The following TRPM3 variants were observed in gnomAD, a reference collection of about 807,000 sequenced individuals.
TRPM3 encodes transient receptor potential cation channel subfamily M member 3.
In TRPM3, 77 loss-of-function variants were observed where a neutral mutation model predicts 181.2. The ratio of observed to expected loss-of-function variants is 0.42; its 90% CI spans 0.35 to 0.51. The LOEUF (loss-of-function observed/expected upper bound fraction) is 0.51. Among genes scored for constraint, TRPM3 ranks in the 20% least tolerant of loss-of-function variants. TRPM3 has a pLI of 0.01. For synonymous variants in TRPM3, 745 were observed against 796.4 expected, an observed-to-expected ratio of 0.94 and a Z score of 1.09; for missense variants, 1,759 against 2,196.7, an observed-to-expected ratio of 0.80 and a Z score of 3.98.
At chr9:70,836,207 C>T (rs2094309184) in intron 5 of TRPM3, among the ~76,000 whole-genome samples, 1 of 152,106 alleles carries the variant, frequency 6.6e-6, no homozygotes, top group African/African-American at 2.4e-5. Flanking sequence ...TCCTCCTTAG[C>T]TCTGGGCCCC....
chr9:70,863,234 A>G, intron 2 of TRPM3, 122 bp from the exon 3 acceptor site: 2 of 766,806 alleles, frequency 2.6e-6, no homozygotes, highest in South Asian at 3.9e-5. Flanking sequence ...TCTCAGGAAG[A>G]ATTCCACCAT....
intron 1 of TRPM3, among the ~76,000 whole-genome samples, chr9:71,243,067 A>T (rs2081811710): frequency 6.6e-6 from 1 of 152,106 alleles, no homozygotes; most frequent in Non-Finnish European, 1.5e-5. Flanking sequence ...TGTTTCAGAG[A>T]GTCTTGCTCT....
intron 1 of TRPM3, among the ~76,000 whole-genome samples, chr9:71,287,713 A>G (rs1438443180): frequency 1.3e-5 from 2 of 152,126 alleles, no homozygotes; most frequent in African/African-American, 4.8e-5. Flanking sequence ...TATCAATTGA[A>G]TAAGATATTT....
At chr9:70,767,751 A>T (rs903527102) in intron 7 of TRPM3, among the ~76,000 whole-genome samples, 1 of 152,058 alleles carries the variant, frequency 6.6e-6, no homozygotes, top group South Asian at 2.1e-4. Flanking sequence ...TGGCTAAAAG[A>T]GCTGAGGGTT....
intron 1 of TRPM3, among the ~76,000 whole-genome samples, chr9:71,116,039 A>T (rs1180483695): frequency 3.3e-5 from 5 of 152,184 alleles, no homozygotes; most frequent in African/African-American, 1.2e-4. Flanking sequence ...AGATGGAAAG[A>T]TGGAAGTTTC....
intron 1 of TRPM3, among the ~76,000 whole-genome samples, chr9:71,198,537 T>C (rs1227037472): frequency 6.6e-6 from 1 of 152,160 alleles, no homozygotes; most frequent in African/African-American, 2.4e-5. Context: ...TTGTATCCTC[T>C]TTTATTTCAT....
intron 1 of TRPM3, among the ~76,000 whole-genome samples, chr9:71,390,652 T>G (rs575075338): frequency 2.6e-4 from 39 of 152,122 alleles, no homozygotes; most frequent in African/African-American, 8.4e-4. Context: ...TATAAATGTA[T>G]GAATTAAAAC....
intron 1 of TRPM3, among the ~76,000 whole-genome samples, chr9:71,271,996 A>C (rs921994546): frequency 3.9e-5 from 6 of 152,236 alleles, no homozygotes; most frequent in Admixed American, 6.5e-5. Flanking sequence ...TTGTTGTGCC[A>C]GCTGGATAGT....
chr9:70,622,980 A>C (rs749831015), intron 14 of TRPM3, among the ~76,000 whole-genome samples: 1 of 152,116 alleles, frequency 6.6e-6, no homozygotes, highest in Non-Finnish European at 1.5e-5. Flanking sequence ...ATTTTCAAAC[A>C]AATCCCTGTT....
At chr9:71,087,656 G>A (rs141622412) in intron 1 of TRPM3, among the ~76,000 whole-genome samples, 20 of 151,932 alleles carry the variant, frequency 1.3e-4, no homozygotes, top group African/African-American at 4.3e-4. Context: ...AAGTGTACTT[G>A]GCTTAATAAG....
intron 1 of TRPM3, among the ~76,000 whole-genome samples, chr9:70,888,525 A>C (rs2096134677): frequency 6.6e-6 from 1 of 152,114 alleles, no homozygotes; most frequent in South Asian, 2.1e-4. Context: ...TTTACTCTTG[A>C]ATTTAGTTTG....
At chr9:70,565,728 T>C (rs1035836795) in intron 22 of TRPM3, among the ~76,000 whole-genome samples, 23 of 152,228 alleles carry the variant, frequency 1.5e-4, no homozygotes, top group African/African-American at 5.5e-4. Context: ...TTTTAAATAA[T>C]CACATTATCC....
chr9:71,068,389 A>G (rs1383370156), intron 1 of TRPM3, among the ~76,000 whole-genome samples: 1 of 152,212 alleles, frequency 6.6e-6, no homozygotes, highest in African/African-American at 2.4e-5. Context: ...ACTGGAGTCT[A>G]AGGTGGCCTG....
At chr9:71,089,172 T>C (rs1382025101) in intron 1 of TRPM3, among the ~76,000 whole-genome samples, 2 of 147,836 alleles carry the variant, frequency 1.4e-5, no homozygotes, top group Non-Finnish European at 3.0e-5. Flanking sequence ...TATATGAATA[T>C]ATATTTTTAT....
At chr9:70,854,324 TG>T (rs2095327980) in intron 3 of TRPM3, among the ~76,000 whole-genome samples, 1 of 152,230 alleles carries the variant, frequency 6.6e-6, no homozygotes, top group African/African-American at 2.4e-5. Context: ...TGTCAGATAG[TG>T]GCATTGCAAG....
intron 1 of TRPM3, among the ~76,000 whole-genome samples, chr9:71,135,613 C>A (rs1221650938): frequency 2.6e-5 from 4 of 152,098 alleles, no homozygotes; most frequent in Non-Finnish European, 4.4e-5. Context: ...GAATAGAAAG[C>A]AAATATTACT....
chr9:70,949,523 A>G (rs2096973524), intron 1 of TRPM3, among the ~76,000 whole-genome samples: 1 of 151,834 alleles, frequency 6.6e-6, no homozygotes, highest in South Asian at 2.1e-4. Context: ...CTTCTCCCCC[A>G]TGCAGGGGAG....
chr9:70,756,166 A>C (rs900673300), intron 8 of TRPM3, among the ~76,000 whole-genome samples: 1 of 152,120 alleles, frequency 6.6e-6, no homozygotes, highest in African/African-American at 2.4e-5. Flanking sequence ...AACAAACAAA[A>C]AAAACAAAAA....
Position 70,949,944 on chromosome 9 carries a change from T to G in TRPM3, c.178-85433A>C, listed in dbSNP as rs140858484. Reference sequence around the variant, plus strand: ...TTCCCATGCCTAACCTACAGGCATGTTGATAGAGTCCATGTGAAACTTGGA... The same window carrying G: ...TTCCCATGCCTAACCTACAGGCATGGTGATAGAGTCCATGTGAAACTTGGA... On this transcript the variant is annotated intron_variant, in intron 1 of 25. Transcript: ENST00000677713. Among the ~76,000 whole-genome samples the G allele has an allele frequency of 2.8e-3, 425 of 152,314 alleles. 2 individuals carry two copies. The highest frequency in any genetic ancestry group is 4.9e-3 in the Non-Finnish European group (333 of 68,026).
Sources: allele counts gnomAD v4.1 joint callset (sites outside exome capture counted in the v4.1 genomes callset), GRCh38; gene constraint gnomAD v4.1.1; transcripts MANE v1.5; gene names NCBI Gene and HGNC (gene_info 2026-07-23, HGNC 2026-07-21).